The following DDAH1 variants were observed in gnomAD, a reference collection of about 807,000 sequenced individuals.
DDAH1 encodes dimethylarginine dimethylaminohydrolase 1.
A neutral mutation model predicts 28.8 loss-of-function variants in DDAH1; 19 were observed. The observed-to-expected ratio is 0.66, with a 90% CI of 0.46 to 0.97. The LOEUF (loss-of-function observed/expected upper bound fraction) is 0.97, where lower values mean the gene tolerates loss of function less well. Among genes scored for constraint, DDAH1 ranks in the 50% least tolerant of loss-of-function variants. DDAH1 has a pLI of 0.00. For missense variants in DDAH1, 326 were observed against 375.9 expected (o/e 0.87, Z 1.10); for synonymous variants, 153 against 154.4 (o/e 0.99, Z 0.07).
chr1:85,347,310 T>C (rs1295753967), intron 4 of DDAH1, among the ~76,000 whole-genome samples: 4 of 152,206 alleles, frequency 2.6e-5, no homozygotes, highest in African/African-American at 7.2e-5. Flanking sequence ...TAAAGACACA[T>C]GCACACGTAT....
chr1:85,404,296 T>C (rs1652297667), intron 1 of DDAH1: 2 of 1,383,330 alleles, frequency 1.4e-6, no homozygotes, highest in African/African-American at 1.4e-5. Flanking sequence ...CCATTATACA[T>C]GAAACTTCTG....
At chr1:85,483,169 G>A (rs531744286) in intron 2 of DDAH1, among the ~76,000 whole-genome samples, 133 of 149,362 alleles carry the variant, frequency 8.9e-4, no homozygotes, top group African/African-American at 2.4e-3. Flanking sequence ...AGCCAAGATC[G>A]TGCCACTGCA....
chr1:85,411,439 G>A (rs938928812), intron 1 of DDAH1, among the ~76,000 whole-genome samples: 2 of 152,186 alleles, frequency 1.3e-5, no homozygotes, highest in Non-Finnish European at 2.9e-5. Context: ...GCTTGACAAA[G>A]TAAATTTTGA....
intron 4 of DDAH1, 72 bp from the exon 5 acceptor site, chr1:85,324,955 G>A (rs982657281): frequency 2.6e-6 from 4 of 1,566,576 alleles, no homozygotes; most frequent in African/African-American, 1.3e-5. Flanking sequence ...AGGCAGTGTG[G>A]TAGGATACAA....
chr1:85,466,467 T>C (rs1313614409), upstream of DDAH1, among the ~76,000 whole-genome samples: 1 of 152,212 alleles, frequency 6.6e-6, no homozygotes, highest in Non-Finnish European at 1.5e-5. Context: ...TAGGCTGGTC[T>C]CGAACTCCTG....
chr1:85,333,939 CAA>C (rs1453250753), intron 4 of DDAH1, among the ~76,000 whole-genome samples: 2 of 152,210 alleles, frequency 1.3e-5, no homozygotes, highest in East Asian at 3.9e-4. Flanking sequence ...TCAAAGATTC[CAA>C]AATAGATACA....
intron 1 of DDAH1, among the ~76,000 whole-genome samples, chr1:85,406,665 G>T (rs1652420268): frequency 6.6e-6 from 1 of 152,072 alleles, no homozygotes; most frequent in Admixed American, 6.5e-5. Flanking sequence ...TCAGGCATAT[G>T]GCTTACCTCA....
intron 2 of DDAH1, among the ~76,000 whole-genome samples, chr1:85,492,358 G>T (rs2100729708): frequency 6.6e-6 from 1 of 152,254 alleles, no homozygotes; most frequent in African/African-American, 2.4e-5. Context: ...GGAACATTGT[G>T]ACTACCCAAA....
At chr1:85,471,801 C>G (rs902496198) in intron 2 of DDAH1, among the ~76,000 whole-genome samples, 1 of 152,218 alleles carries the variant, frequency 6.6e-6, no homozygotes, top group African/African-American at 2.4e-5. Flanking sequence ...TTCTGCACTT[C>G]AAAGCTCAAC....
intron 1 of DDAH1, among the ~76,000 whole-genome samples, chr1:85,540,996 T>A (rs1036654678): frequency 1.3e-5 from 2 of 150,428 alleles, no homozygotes; most frequent in African/African-American, 4.9e-5. Context: ...TATATCTATA[T>A]CTATATCTGT....
At position 85,441,762 on chromosome 1, in the gene DDAH1, A is replaced by C. The variant is rs567656049; in HGVS notation, c.303+22981T>G. Among the ~76,000 whole-genome samples, 4 of 152,336 alleles carry C rather than the reference A, an allele frequency of 2.6e-5. No individual in the cohort carries two copies. The South Asian group carries it at 8.3e-4, about 32-fold the overall frequency. On this transcript the variant is annotated intron_variant, in intron 1 of 5. Coordinates refer to ENST00000284031, the MANE Select transcript of DDAH1 (RefSeq NM_012137.4). ...CCAATGTTTCATATTTATTATTCTC[A>C]CAACAGTATACCTTTCAACTTTATG...
At chr1:85,481,709 A>T (rs1056927544) in intron 2 of DDAH1, among the ~76,000 whole-genome samples, 1 of 152,216 alleles carries the variant, frequency 6.6e-6, no homozygotes, top group African/African-American at 2.4e-5. Context: ...GGTTATTATC[A>T]GGTTATTTAA....
rs76317064 is a variant in DDAH1, at chr1:85,505,863, A to G, written c.-122-9582T>C. On this transcript the variant is annotated intron_variant, in intron 1 of 6. Transcript: ENST00000426972. Reference sequence around the variant, plus strand: ...ATAGAAAATTTTCTTTAATTGATTTATAGACTTTTTTAATACATTTTAAAC... The same window carrying G: ...ATAGAAAATTTTCTTTAATTGATTTGTAGACTTTTTTAATACATTTTAAAC... 1.5e-3 allele frequency among the ~76,000 whole-genome samples: 226 copies of G among 152,312 alleles called. 4 individuals are homozygous for G. In the East Asian group the frequency reaches 0.036, roughly 24 times the overall value.
intron 2 of DDAH1, among the ~76,000 whole-genome samples, chr1:85,486,793 A>G (rs1656221006): frequency 6.6e-6 from 1 of 152,234 alleles, no homozygotes; most frequent in African/African-American, 2.4e-5. Context: ...TGAAAATGGC[A>G]TTTAAAAAGG....
intron 4 of DDAH1, among the ~76,000 whole-genome samples, chr1:85,345,562 C>T (rs1008053288): frequency 1.3e-5 from 2 of 151,982 alleles, no homozygotes; most frequent in African/African-American, 2.4e-5. Context: ...TTCTTCTTTC[C>T]CTAGATTGGT....
chr1:85,370,252 C>T (rs946895059), intron 1 of DDAH1, among the ~76,000 whole-genome samples: 1 of 152,154 alleles, frequency 6.6e-6, no homozygotes, highest in Non-Finnish European at 1.5e-5. Flanking sequence ...GCAAGCCAGG[C>T]AGAGGCCTCA....
At chr1:85,406,752 T>C (rs59670326) in intron 1 of DDAH1, among the ~76,000 whole-genome samples, 3,514 of 152,164 alleles carry the variant, frequency 0.023, 144 homozygotes, top group African/African-American at 0.08. Flanking sequence ...AGCACTGTTA[T>C]TACATATAGA....
intron 1 of DDAH1, among the ~76,000 whole-genome samples, chr1:85,419,222 C>T (rs1653020687): frequency 6.6e-6 from 1 of 151,980 alleles, no homozygotes; most frequent in Admixed American, 6.5e-5. Flanking sequence ...TGAAGTGCTC[C>T]TTCAAACAGT....
rs1054997945 is a variant in DDAH1 at position 85,429,856 on chromosome 1, G to GT, written c.303+34886dup. ...CTTTTACCCACTTTTTGATGGGTTTGTTTTTTTCCTGTAAATCTGTTTAAG... is the reference window on the plus strand; with the variant it reads ...CTTTTACCCACTTTTTGATGGGTTTGTTTTTTTTCCTGTAAATCTGTTTAAG... On this transcript the variant is annotated intron_variant, in intron 1 of 5. Coordinates refer to ENST00000284031, the MANE Select transcript of DDAH1 (RefSeq NM_012137.4). Among the ~76,000 whole-genome samples, 82 of 152,068 alleles carry GT rather than the reference G, an allele frequency of 5.4e-4. 1 individual carries two copies. Among genetic ancestry groups the GT allele is most frequent in the Non-Finnish European group, 1.2e-4 (8 of 67,990 alleles).
Sources: gnomAD v4.1 joint callset for allele counts (sites outside exome capture counted in the v4.1 genomes callset) on GRCh38, gnomAD v4.1.1 for gene constraint, MANE v1.5 for transcripts, NCBI Gene and HGNC (gene_info 2026-07-23, HGNC 2026-07-21) for gene names.